The following TNFRSF8 variants were observed in gnomAD, a reference collection of about 807,000 sequenced individuals.
The protein encoded by TNFRSF8 is tumor necrosis factor receptor superfamily member 8.
In TNFRSF8, 26 loss-of-function variants were observed where a neutral mutation model predicts 70.8. That is an observed-to-expected ratio of 0.37 (90% confidence interval 0.27 to 0.51). TNFRSF8 has a LOEUF of 0.51. Ranked by LOEUF, TNFRSF8 falls within the 20% of genes least tolerant of loss-of-function variation. The pLI is 0.94. For missense variants in TNFRSF8, 720 were observed against 807.9 expected, an observed-to-expected ratio of 0.89 and a Z score of 1.32; for synonymous variants, 356 against 339.2, an observed-to-expected ratio of 1.05 and a Z score of -0.54.
At chr1:12,117,611 C>G (rs188880634) in intron 8 of TNFRSF8, among the ~76,000 whole-genome samples, 88 of 152,278 alleles carry the variant, frequency 5.8e-4, no homozygotes, top group African/African-American at 2.0e-3. Flanking sequence ...GGGAAGAGAC[C>G]CATTGTGAAC....
At chr1:12,095,935 C>T (rs937641945) in intron 2 of TNFRSF8, among the ~76,000 whole-genome samples, 2 of 152,220 alleles carry the variant, frequency 1.3e-5, no homozygotes, top group Non-Finnish European at 2.9e-5. Context: ...GCAAGTCCTG[C>T]CCACACCATG....
rs149076699 is a variant in TNFRSF8, at chr1:12,128,433, C to T, written c.1309+2197C>T. Among the ~76,000 whole-genome samples, 776 of 152,324 alleles carry T rather than the reference C, an allele frequency of 5.1e-3. 9 individuals carry two copies. Among genetic ancestry groups the T allele is most frequent in the African/African-American group, 0.018 (737 of 41,572 alleles). ...CAGCCCTCGAGTGGATCGACCTTCC[C>T]GTGTGTGTCCTCGGTGACAGGCATT... On this transcript the variant is annotated intron_variant, in intron 12 of 14. Transcript: ENST00000263932.
chr1:12,073,739 G>A (rs1425450178), intron 1 of TNFRSF8, among the ~76,000 whole-genome samples: 1 of 151,362 alleles, frequency 6.6e-6, no homozygotes, highest in Non-Finnish European at 1.5e-5. Flanking sequence ...GATTACAGGC[G>A]CCCACCACCA....
chr1:12,137,211 A>G (rs146896668), intron 13 of TNFRSF8, among the ~76,000 whole-genome samples: 1 of 152,224 alleles, frequency 6.6e-6, no homozygotes, highest in East Asian at 1.9e-4. Flanking sequence ...AAAAGTTATT[A>G]TGTGGTTTTG....
intron 3 of TNFRSF8, among the ~76,000 whole-genome samples, chr1:12,103,229 TGGTG>T (rs1641454611): frequency 6.6e-6 from 1 of 151,882 alleles, no homozygotes; most frequent in African/African-American, 2.4e-5. Context: ...TTGGGCGTGG[TGGTG>T]TGTGCCTGTA....
At chr1:12,070,542 C>T (rs1273073111) in intron 1 of TNFRSF8, among the ~76,000 whole-genome samples, 1 of 152,176 alleles carries the variant, frequency 6.6e-6, no homozygotes, top group Non-Finnish European at 1.5e-5. Context: ...CCAGTTTGGT[C>T]TCAAACTCCC....
intron 13 of TNFRSF8, among the ~76,000 whole-genome samples, chr1:12,136,717 T>C (rs1642152290): frequency 6.6e-6 from 1 of 151,824 alleles, no homozygotes; most frequent in Admixed American, 6.6e-5. Flanking sequence ...CAAGAGTATG[T>C]ATTAAGGTTG....
intron 7 of TNFRSF8, among the ~76,000 whole-genome samples, chr1:12,114,532 G>A (rs747722764): frequency 6.6e-6 from 1 of 151,832 alleles, no homozygotes; most frequent in Non-Finnish European, 1.5e-5. Context: ...ATCTACCCTC[G>A]CGGAGAGGTC....
chr1:12,120,356 AG>A (rs1641808524), intron 8 of TNFRSF8, among the ~76,000 whole-genome samples: 1 of 152,238 alleles, frequency 6.6e-6, no homozygotes, highest in Non-Finnish European at 1.5e-5. Context: ...AAGTGTTCCC[AG>A]GAATAGAAGA....
chr1:12,132,607 C>T (rs1379162106), intron 12 of TNFRSF8, among the ~76,000 whole-genome samples: 1 of 152,028 alleles, frequency 6.6e-6, no homozygotes, highest in Non-Finnish European at 1.5e-5. Flanking sequence ...GGAGGCCAAG[C>T]CTGGCAGATC....
chr1:12,094,874 C>T (rs1466612298), intron 2 of TNFRSF8, among the ~76,000 whole-genome samples: 3 of 152,032 alleles, frequency 2.0e-5, no homozygotes, highest in Admixed American at 6.6e-5. Flanking sequence ...GATCCATGCG[C>T]CTCGGCCTCC....
At chr1:12,128,833 CTTTT>C (rs60878706) in intron 12 of TNFRSF8, among the ~76,000 whole-genome samples, 2 of 111,774 alleles carry the variant, frequency 1.8e-5, no homozygotes, top group Non-Finnish European at 1.7e-5. Context: ...GTCTAAAATT[CTTTT>C]TTTTTTTTTT....
intron 1 of TNFRSF8, among the ~76,000 whole-genome samples, chr1:12,076,097 CT>C (rs397829917): frequency 7.2e-6 from 1 of 139,482 alleles, no homozygotes; most frequent in African/African-American, 2.6e-5. Context: ...TTTTTTTTTT[CT>C]TTTTCTTTTT....
Position 12,132,195 on chromosome 1 carries a change from C to T in TNFRSF8, c.1310-3393C>T, listed in dbSNP as rs1035547775. 2.6e-5 allele frequency among the ~76,000 whole-genome samples: 4 copies of T among 152,234 alleles called. No homozygotes were observed. The East Asian group carries it at 7.7e-4, about 29-fold the overall frequency. ...TTCCTCTGTGATTAGCATCTTAAGC[C>T]AGCATCGTTCATTTGTCAAAATATG... On this transcript the variant is annotated intron_variant, in intron 12 of 14. Coordinates refer to ENST00000263932, the MANE Select transcript of TNFRSF8 (RefSeq NM_001243.5).
chr1:12,115,704 A>G lies in TNFRSF8; in HGVS notation c.921A>G (p.Ala307=), dbSNP rs1006171705. The G allele has an allele frequency of 7.4e-6, 12 of 1,614,162 alleles. No individual in the cohort carries two copies. Among genetic ancestry groups the G allele is most frequent in the Non-Finnish European group, 1.0e-5 (12 of 1,180,022 alleles). ...GCTGTGTCCCCTACCCAATCTGTGC[A>G]GCAGAGACGGTCACCAAGCCCCAGG... ...CARCVPYPIC[A]AETVTKPQDM... Residue 307 remains alanine (A), a synonymous_variant, in exon 8 of 15, where the codon GCA becomes GCG. Transcript: ENST00000263932.
At chr1:12,123,858 C>G in intron 10 of TNFRSF8, 31 bp downstream of exon 10, 2 of 1,512,076 alleles carry the variant, frequency 1.3e-6, no homozygotes, top group Non-Finnish European at 1.8e-6. Context: ...ACCCCTACTC[C>G]CAGCAGGGGC....
chr1:12,096,705 T>A (rs1054606317), intron 2 of TNFRSF8, among the ~76,000 whole-genome samples: 3 of 152,150 alleles, frequency 2.0e-5, no homozygotes, highest in African/African-American at 7.2e-5. Context: ...ATCTTCACAG[T>A]CCATTCAGTC....
rs1641651419 is a variant in TNFRSF8 at position 12,112,502 on chromosome 1, G to A, written c.793+488G>A. On this transcript the variant is annotated intron_variant, in intron 7 of 14. Transcript: ENST00000263932. The surrounding 1 kb of genome is among the most constrained non-coding windows in gnomAD (Gnocchi z 5.3). ...CCTCCCAGGATCACATGATCCTTTT[G>A]CCTCAGCCTTTCAAGTGGCTGGGAC... 6.6e-6 allele frequency among the ~76,000 whole-genome samples: 1 copy of A among 151,558 alleles called. No homozygotes were observed. The highest frequency in any genetic ancestry group is 6.6e-5 in the Admixed American group (1 of 15,196).
Position 12,066,142 on chromosome 1 carries a change from G to A in TNFRSF8, c.63+2481G>A, listed in dbSNP as rs140417659. On this transcript the variant is annotated intron_variant, in intron 1 of 14. Transcript: ENST00000263932. ...CCTTAATTTGCATTTCTCGCCTACC[G>A]GGGAAGCTGAGCATCTCTCTGGGCT... Among the ~76,000 whole-genome samples the A allele has an allele frequency of 6.6e-5, 10 of 152,048 alleles. No individual in the cohort carries two copies. In the East Asian group the frequency reaches 7.7e-4, roughly 12 times the overall value.
Sources: gnomAD v4.1 joint callset for allele counts (sites outside exome capture counted in the v4.1 genomes callset) on GRCh38, gnomAD v4.1.1 for gene constraint, Gnocchi (gnomAD v3.1) non-coding constraint, MANE v1.5 for transcripts, NCBI Gene and HGNC (gene_info 2026-07-23, HGNC 2026-07-21) for gene names.